CCHCR1: variants seen among roughly 807,000 people sequenced by gnomAD.
CCHCR1 encodes the protein HCR (a-helix coiled-coil rod homologue).
Under a neutral mutation model 114.6 loss-of-function variants are expected in CCHCR1, and 91 were observed. The observed-to-expected ratio is 0.79, with a 90% CI of 0.67 to 0.94. The LOEUF is 0.94. Ranked by LOEUF, CCHCR1 falls within the 40% of genes least tolerant of loss-of-function variation. The probability of loss-of-function intolerance (pLI) is 0.00; values close to 1 mark genes in which losing one functional copy is unlikely to be tolerated. For synonymous variants in CCHCR1, 379 were observed against 428.5 expected (o/e 0.88, Z 1.43); for missense variants, 899 against 1,079.9 (o/e 0.83, Z 2.35).
At position 31,151,424 on chromosome 6, in the gene CCHCR1, G is replaced by A. The variant is rs1208888655; in HGVS notation, c.802-302C>T. ...AACTAGTCTTTACAAACCCTCAGTG[G>A]CTTCTCACAGCATTCACAACAAAAC... is the stretch of plus-strand genomic sequence containing the variant. On this transcript the variant is annotated intron_variant, in intron 4 of 17. Coordinates refer to ENST00000396268, the MANE Select transcript of CCHCR1 (RefSeq NM_001105564.2). This position sits in a 1 kb window ranked among gnomAD's most constrained non-coding sequence, Gnocchi z 4.1. Among the ~76,000 whole-genome samples the A allele has an allele frequency of 6.6e-6, 1 of 152,130 alleles. No homozygotes were observed. The highest frequency in any genetic ancestry group is 1.5e-5 in the Non-Finnish European group (1 of 68,028).
rs759580927 is a variant in CCHCR1 at position 31,143,365 on chromosome 6, C to A, written c.2216G>T (p.Arg739Leu). Residue 739 changes from arginine (R) to leucine (L), a missense_variant, in exon 16 of 18, where the codon CGG (arginine) becomes CTG (leucine). Coordinates refer to ENST00000396268, the MANE Select transcript of CCHCR1 (RefSeq NM_001105564.2). The surrounding 1 kb of genome is among the most constrained non-coding windows in gnomAD (Gnocchi z 5.3). Reference protein sequence around the residue: ...IQRRAAQEKERSQELRRLQEE... With the variant: ...IQRRAAQEKELSQELRRLQEE... ...CTGCAGACGCCTGAGTTCCTGGCTCCGCTCCTTTTCCTGGGCGGCTCTGCG... is the reference window on the plus strand; with the variant it reads ...CTGCAGACGCCTGAGTTCCTGGCTCAGCTCCTTTTCCTGGGCGGCTCTGCG... 1 of 1,612,970 alleles carries A rather than the reference C, an allele frequency of 6.2e-7. No individual in the cohort carries two copies. Among genetic ancestry groups the A allele is most frequent in the Admixed American group, 1.7e-5 (1 of 60,026 alleles).
rs901606186 is a variant in CCHCR1 at position 31,142,556 on chromosome 6, G to A, written c.*36C>T. 6.3e-7 allele frequency: 1 copy of A among 1,597,914 alleles called. No homozygotes were observed. The highest frequency in any genetic ancestry group is 8.5e-7 in the Non-Finnish European group (1 of 1,170,336). Reference sequence around the variant, plus strand: ...CACCCACTTCTCCAGGATCCTCCCAGCCCCCAGGCTGGCTTTCCCTCCAAC... The same window carrying A: ...CACCCACTTCTCCAGGATCCTCCCAACCCCCAGGCTGGCTTTCCCTCCAAC... On this transcript the variant is annotated 3_prime_UTR_variant, in exon 18 of 18. Transcript: ENST00000396268.
rs1399299163 is a variant in CCHCR1 at position 31,156,954 on chromosome 6, T to TA, written c.284-11dup. ...ATCAGCCCAGTGGAACCTGAAGAAT[T>TA]ACAAAAACAAAGATGGTCAGTTTCC... On this transcript the variant is annotated splice_polypyrimidine_tract_variant and intron_variant, in intron 2 of 17. Transcript: ENST00000396268. 6.2e-7 allele frequency: 1 copy of TA among 1,612,668 alleles called. No individual in the cohort carries two copies. Among genetic ancestry groups the TA allele is most frequent in the Admixed American group, 1.7e-5 (1 of 60,002 alleles).
rs149792111 is a variant in CCHCR1, at chr6:31,144,358, C to A, written c.2167+329G>T. Among the ~76,000 whole-genome samples, 1,590 of 152,174 alleles carry A rather than the reference C, an allele frequency of 0.01. 12 individuals are homozygous for A. The highest frequency in any genetic ancestry group is 0.017 in the Non-Finnish European group (1,123 of 68,014). ...TACAGGTGCCCACCACCAGGCCTAG[C>A]TAATTTTTGTATTTTTAGTCGAGAC... On this transcript the variant is annotated intron_variant, in intron 15 of 17. Transcript: ENST00000396268. This position sits in a 1 kb window ranked among gnomAD's most constrained non-coding sequence, Gnocchi z 4.6.
At chr6:31,146,066 TC>T (rs1166408486) in intron 10 of CCHCR1, among the ~76,000 whole-genome samples, 2 of 152,274 alleles carry the variant, frequency 1.3e-5, no homozygotes, top group East Asian at 3.9e-4. Flanking sequence ...TCCTCTCTGA[TC>T]AGGGGCAGTG....
Position 31,145,186 on chromosome 6 carries a change from ACCT to A in CCHCR1, c.1853_1855del (p.Glu618del). On this transcript the variant is annotated inframe_deletion, in exon 13 of 18. Transcript: ENST00000396268. ...TGTACCTTGCTCCCGAGCCCGGCCCACCTCCTGCTGGATGAGGCGGGCACTCAG... is the reference window on the plus strand; with the variant it reads ...TGTACCTTGCTCCCGAGCCCGGCCCACCTGCTGGATGAGGCGGGCACTCAG... 1 of 1,612,596 alleles carries A rather than the reference ACCT, an allele frequency of 6.2e-7. No homozygotes were observed. Among genetic ancestry groups the A allele is most frequent in the African/African-American group, 1.3e-5 (1 of 74,848 alleles).
Position 31,154,456 on chromosome 6 carries a change from C to G in CCHCR1, c.801+40G>C. The stretch of plus-strand genomic sequence containing the variant: ...TTTGCTTGGAAGCTACTGCCCAGCT[C>G]TCCGTTATGAATTTGAATCCTTTCT... On this transcript the variant is annotated intron_variant, in intron 4 of 17. Coordinates refer to ENST00000396268, the MANE Select transcript of CCHCR1 (RefSeq NM_001105564.2). The surrounding 1 kb of genome is among the most constrained non-coding windows in gnomAD (Gnocchi z 4.1). 2 of 1,537,538 alleles carry G rather than the reference C, an allele frequency of 1.3e-6. No individual in the cohort carries two copies. The highest frequency in any genetic ancestry group is 1.8e-6 in the Non-Finnish European group (2 of 1,117,994).
chr6:31,144,490 C>T lies in CCHCR1; in HGVS notation c.2167+197G>A, dbSNP rs1581900008. ...GATTACAGGCATAAGCCACCGCGAC[C>T]GGCCATATGCTGTTTCTTAATCTGG... On this transcript the variant is annotated intron_variant, in intron 15 of 17. Coordinates refer to ENST00000396268, the MANE Select transcript of CCHCR1 (RefSeq NM_001105564.2). The surrounding 1 kb of genome is among the most constrained non-coding windows in gnomAD (Gnocchi z 4.6). The T allele has an allele frequency of 5.6e-6, 3 of 533,226 alleles. No individual in the cohort carries two copies. Among genetic ancestry groups the T allele is most frequent in the Non-Finnish European group, 9.8e-6 (3 of 304,738 alleles). 33.0% of individuals were successfully genotyped at this position (533,226 alleles called of 1,614,324 possible). A position where few individuals can be genotyped will look rare whatever the true frequency, so the allele number is the denominator to read the frequency against.
Position 31,150,323 on chromosome 6 carries a change from A to C in CCHCR1, c.1213-108T>G. Reference sequence around the variant, plus strand: ...TGCCTGGGCAACATGAGCTACAGCAAGAGGAGTTCACAGGAAGGAGATCTA... The same window carrying C: ...TGCCTGGGCAACATGAGCTACAGCACGAGGAGTTCACAGGAAGGAGATCTA... On this transcript the variant is annotated intron_variant, in intron 7 of 17. Coordinates refer to ENST00000396268, the MANE Select transcript of CCHCR1 (RefSeq NM_001105564.2). This position sits in a 1 kb window ranked among gnomAD's most constrained non-coding sequence, Gnocchi z 5.3. The C allele has an allele frequency of 1.4e-6, 2 of 1,387,374 alleles. No homozygotes were observed. The highest frequency in any genetic ancestry group is 2.0e-6 in the Non-Finnish European group (2 of 993,020). The allele number at this position is 1,387,374 out of a possible 1,614,324, so 85.9% of individuals were successfully genotyped here. A position where few individuals can be genotyped will look rare whatever the true frequency, so the allele number is the denominator to read the frequency against.
rs755956810 is a variant in CCHCR1, at chr6:31,145,288, G to A, written c.1754C>T (p.Pro585Leu). Reference sequence around the variant, plus strand: ...CTCAAGGCTCACGTCTGTGACCGGTGGTGGTAGGGGACAGCTGGGACGGGG... The same window carrying A: ...CTCAAGGCTCACGTCTGTGACCGGTAGTGGTAGGGGACAGCTGGGACGGGG... ...QLRQESCPLP[P>L]PVTDVSLELQ... The change falls in exon 13 of 18, where the codon CCA becomes CTA. Residue 585 changes from proline (P) to leucine (L), a missense_variant. Pro to Leu is a moderately conservative substitution (Grantham distance 98, BLOSUM62 -3). Transcript: ENST00000396268. 6 of 1,614,008 alleles carry A rather than the reference G, an allele frequency of 3.7e-6. No homozygotes were observed.
chr6:31,151,744 G>A lies in CCHCR1; in HGVS notation c.802-622C>T, dbSNP rs1194907366. Among the ~76,000 whole-genome samples the A allele has an allele frequency of 1.3e-5, 2 of 151,988 alleles. No homozygotes were observed. The highest frequency in any genetic ancestry group is 1.9e-4 in the East Asian group (1 of 5,178). Reference sequence around the variant, plus strand: ...TTATGTGTATGTGTTACTATCTGTCGGACCACACTGGAAGGAAAGCTCCAG... The same window carrying A: ...TTATGTGTATGTGTTACTATCTGTCAGACCACACTGGAAGGAAAGCTCCAG... On this transcript the variant is annotated intron_variant, in intron 4 of 17. Coordinates refer to ENST00000396268, the MANE Select transcript of CCHCR1 (RefSeq NM_001105564.2). This position sits in a 1 kb window ranked among gnomAD's most constrained non-coding sequence, Gnocchi z 4.1.
At position 31,150,044 on chromosome 6, in the gene CCHCR1, G is replaced by C; in HGVS notation, c.1362+22C>G. The C allele has an allele frequency of 6.2e-7, 1 of 1,612,512 alleles. No homozygotes were observed. Among genetic ancestry groups the C allele is most frequent in the Non-Finnish European group, 8.5e-7 (1 of 1,178,680 alleles). On this transcript the variant is annotated intron_variant, in intron 8 of 17. Transcript: ENST00000396268. The surrounding 1 kb of genome is among the most constrained non-coding windows in gnomAD (Gnocchi z 5.3). ...AGCAAGGTGCTGGGAGGGAATACCGGGAGAAAAGAGAGTGCAGTGACCTGT... is the reference window on the plus strand; with the variant it reads ...AGCAAGGTGCTGGGAGGGAATACCGCGAGAAAAGAGAGTGCAGTGACCTGT...
At chr6:31,156,013 G>C (rs1775951054) in intron 3 of CCHCR1, among the ~76,000 whole-genome samples, 1 of 152,226 alleles carries the variant, frequency 6.6e-6, no homozygotes. Context: ...CTGGGCTCAA[G>C]TGATCCTCCT....
chr6:31,156,789 C>T lies in CCHCR1; in HGVS notation c.439G>A (p.Val147Met). ...GAAACATCCCGTTCCCACATGGTCA[C>T]TTGAGGTCTCTGGGTGTCTAGCCGC... ...ERRLDTQRPQ[V>M]TMWERDVSSD... Residue 147 changes from valine (V) to methionine (M), a missense_variant, in exon 3 of 18, where the codon GTG becomes ATG. Coordinates refer to ENST00000396268, the MANE Select transcript of CCHCR1 (RefSeq NM_001105564.2). 6.2e-7 allele frequency: 1 copy of T among 1,612,994 alleles called. No individual in the cohort carries two copies. Among genetic ancestry groups the T allele is most frequent in the South Asian group, 1.1e-5 (1 of 91,082 alleles).
Position 31,143,239 on chromosome 6 carries a change from C to G in CCHCR1, c.2319+23G>C, listed in dbSNP as rs776768001. On this transcript the variant is annotated intron_variant, in intron 16 of 17. Transcript: ENST00000396268. The surrounding 1 kb of genome is among the most constrained non-coding windows in gnomAD (Gnocchi z 5.3). ...GCCCAGGATGGGCCCTAGTGTCTGC[C>G]TGTCTGCCCTCCTGTCTCCTACCAG... 2 of 1,612,174 alleles carry G rather than the reference C, an allele frequency of 1.2e-6. No individual in the cohort carries two copies. Among genetic ancestry groups the G allele is most frequent in the African/African-American group, 2.7e-5 (2 of 74,924 alleles).
rs1259494945 is a variant in CCHCR1, at chr6:31,151,929, T to G, written c.802-807A>C. On this transcript the variant is annotated intron_variant, in intron 4 of 17. Coordinates refer to ENST00000396268, the MANE Select transcript of CCHCR1 (RefSeq NM_001105564.2). The surrounding 1 kb of genome is among the most constrained non-coding windows in gnomAD (Gnocchi z 4.1). ...CCCTGTCTCCATACAACAATAAAAT[T>G]AATTTGGGGGACATAAATGACAAAA... Among the ~76,000 whole-genome samples the G allele has an allele frequency of 6.6e-6, 1 of 152,102 alleles. No individual in the cohort carries two copies. Among genetic ancestry groups the G allele is most frequent in the Non-Finnish European group, 1.5e-5 (1 of 68,034 alleles).
Position 31,150,036 on chromosome 6 carries a change from G to A in CCHCR1, c.1362+30C>T. The stretch of plus-strand genomic sequence containing the variant: ...ATGGAAGGAGCAAGGTGCTGGGAGG[G>A]AATACCGGGAGAAAAGAGAGTGCAG... On this transcript the variant is annotated intron_variant, in intron 8 of 17. Transcript: ENST00000396268. The surrounding 1 kb of genome is among the most constrained non-coding windows in gnomAD (Gnocchi z 5.3). 1 of 1,611,004 alleles carries A rather than the reference G, an allele frequency of 6.2e-7. No homozygotes were observed. The highest frequency in any genetic ancestry group is 8.5e-7 in the Non-Finnish European group (1 of 1,177,452).
intron 3 of CCHCR1, 119 bp downstream of exon 3, chr6:31,156,612 G>C: frequency 1.3e-6 from 1 of 776,782 alleles, no homozygotes; most frequent in Non-Finnish European, 2.1e-6. Flanking sequence ...GGAACTAATT[G>C]CTTACATAAA....
chr6:31,155,778 ATTG>A (rs1026523347), intron 3 of CCHCR1, among the ~76,000 whole-genome samples: 3 of 151,850 alleles, frequency 2.0e-5, no homozygotes, highest in South Asian at 2.1e-4. Context: ...ACTATAAGAG[ATTG>A]TTGTTGTTGT....
Sources: gnomAD v4.1 joint callset for allele counts (sites outside exome capture counted in the v4.1 genomes callset) on GRCh38, gnomAD v4.1.1 for gene constraint, Gnocchi (gnomAD v3.1) non-coding constraint, MANE v1.5 for transcripts, NCBI Gene and HGNC (gene_info 2026-07-23, HGNC 2026-07-21) for gene names.